ARHGEF3: variants seen among roughly 807,000 people sequenced by gnomAD.
ARHGEF3 encodes 59.8 kDA protein.
Under a neutral mutation model 63.2 loss-of-function variants are expected in ARHGEF3, and 28 were observed. The ratio of observed to expected loss-of-function variants is 0.44; its 90% CI spans 0.33 to 0.61. The LOEUF (loss-of-function observed/expected upper bound fraction) is 0.61, where lower values mean the gene tolerates loss of function less well. Ranked by LOEUF, ARHGEF3 falls within the 20% of genes least tolerant of loss-of-function variation. The pLI is 0.03. For missense variants in ARHGEF3, 533 were observed against 659.3 expected (o/e 0.81, Z 2.10); for synonymous variants, 266 against 254.2 (o/e 1.05, Z -0.44).
chr3:56,897,511 T>C (rs1270320773), intron 3 of ARHGEF3, among the ~76,000 whole-genome samples: 11 of 152,080 alleles, frequency 7.2e-5, no homozygotes, highest in African/African-American at 2.2e-4. Context: ...CATGTATATA[T>C]GTATAACCAT....
chr3:56,882,164 C>G (rs1375586986), intron 4 of ARHGEF3: 6 of 881,046 alleles, frequency 6.8e-6, no homozygotes, highest in African/African-American at 3.4e-5. Context: ...AAAAATTTCC[C>G]CCAGGTCACA....
chr3:56,733,349 G>A (rs13071210), intron 8 of ARHGEF3, among the ~76,000 whole-genome samples: 2 of 48,960 alleles, frequency 4.1e-5, no homozygotes, highest in East Asian at 5.5e-4. Context: ...GGGGGGGGGC[G>A]CCTGTAATCC....
At chr3:56,950,954 A>C (rs1298768994) in intron 3 of ARHGEF3, among the ~76,000 whole-genome samples, 1 of 152,016 alleles carries the variant, frequency 6.6e-6, no homozygotes, top group Non-Finnish European at 1.5e-5. Flanking sequence ...CAGCCATAAA[A>C]AGTTATGAGT....
intron 4 of ARHGEF3, among the ~76,000 whole-genome samples, chr3:56,819,623 C>T (rs1179554808): frequency 6.6e-6 from 1 of 151,670 alleles, no homozygotes; most frequent in African/African-American, 2.4e-5. Flanking sequence ...GTGATCCTCC[C>T]ATCTCAGCCT....
chr3:56,980,519 G>A (rs79952639), intron 2 of ARHGEF3, among the ~76,000 whole-genome samples: 54 of 152,332 alleles, frequency 3.5e-4, no homozygotes, highest in East Asian at 2.7e-3. Context: ...TAGTACCTAC[G>A]TAGGTTAGTG....
intron 4 of ARHGEF3, among the ~76,000 whole-genome samples, chr3:56,851,929 A>C (rs192939050): frequency 6.6e-6 from 1 of 152,308 alleles, no homozygotes; most frequent in African/African-American, 2.4e-5. Context: ...TACTTTTAAC[A>C]AAGATTCAGT....
At chr3:56,809,836 G>A (rs1329573097) in intron 4 of ARHGEF3, among the ~76,000 whole-genome samples, 2 of 151,680 alleles carry the variant, frequency 1.3e-5, no homozygotes, top group East Asian at 3.9e-4. Context: ...AGGTTCAAGC[G>A]ATTCTCCTGC....
At chr3:56,970,697 G>A (rs1159167901) in intron 2 of ARHGEF3, among the ~76,000 whole-genome samples, 1 of 152,182 alleles carries the variant, frequency 6.6e-6, no homozygotes, top group African/African-American at 2.4e-5. Context: ...AGCTTCCTGC[G>A]AAGCTTGTAT....
At chr3:57,061,750 GTC>G (rs1478852520) in intron 1 of ARHGEF3, among the ~76,000 whole-genome samples, 1 of 152,142 alleles carries the variant, frequency 6.6e-6, no homozygotes, top group African/African-American at 2.4e-5. Context: ...TCAGTGAGCA[GTC>G]TCTCATCCTG....
At chr3:56,893,052 C>T (rs1456042230) in intron 3 of ARHGEF3, among the ~76,000 whole-genome samples, 2 of 152,222 alleles carry the variant, frequency 1.3e-5, no homozygotes, top group Non-Finnish European at 2.9e-5. Context: ...ACAAAAGGTT[C>T]CCTTGTACAA....
chr3:56,961,577 A>C (rs1700281731), intron 2 of ARHGEF3, among the ~76,000 whole-genome samples: 1 of 152,192 alleles, frequency 6.6e-6, no homozygotes, highest in South Asian at 2.1e-4. Context: ...AAAAAGCATC[A>C]GAGCAAATCT....
chr3:56,832,264 T>G (rs1209120964), intron 4 of ARHGEF3, among the ~76,000 whole-genome samples: 1 of 152,240 alleles, frequency 6.6e-6, no homozygotes, highest in Non-Finnish European at 1.5e-5. Context: ...ATATAATAAA[T>G]ACTGATATTC....
At chr3:56,997,245 TC>T in intron 2 of ARHGEF3, among the ~76,000 whole-genome samples, 2 of 152,114 alleles carry the variant, frequency 1.3e-5, no homozygotes, top group South Asian at 4.1e-4. Context: ...ATGACCTCCC[TC>T]AGGATGGACC....
In ARHGEF3 at chr3:56,831,126, T is replaced by C. The variant is rs570494678; in HGVS notation, c.192+51166A>G. Among the ~76,000 whole-genome samples the C allele has an allele frequency of 2.4e-4, 37 of 152,330 alleles. No homozygotes were observed. The South Asian group carries it at 7.2e-3, about 30-fold the overall frequency. On this transcript the variant is annotated intron_variant, in intron 4 of 12. Transcript: ENST00000338458. ...CCAGCCCAGAATGGAGTCCAATAAA[T>C]ATTTACTGATGAAGTAACTGGGTTA... is the stretch of plus-strand genomic sequence containing the variant.
chr3:57,001,916 T>TTC, intron 2 of ARHGEF3, among the ~76,000 whole-genome samples: 1 of 25,476 alleles, frequency 3.9e-5, no homozygotes, highest in African/African-American at 1.0e-4. Flanking sequence ...AGTGAGATAG[T>TTC]TTTTTTTTTT....
chr3:56,926,209 G>A (rs947932939), intron 3 of ARHGEF3, among the ~76,000 whole-genome samples: 1 of 152,192 alleles, frequency 6.6e-6, no homozygotes, highest in Non-Finnish European at 1.5e-5. Context: ...GAGGAGAGGG[G>A]GGTCAGCGCA....
At chr3:56,892,661 C>G in intron 3 of ARHGEF3, among the ~76,000 whole-genome samples, 1 of 152,200 alleles carries the variant, frequency 6.6e-6, no homozygotes, top group East Asian at 1.9e-4. Flanking sequence ...TGTAAACAAT[C>G]AGCTTAGATT....
At chr3:56,746,955 T>C (rs2034422903) in intron 6 of ARHGEF3, among the ~76,000 whole-genome samples, 1 of 152,170 alleles carries the variant, frequency 6.6e-6, no homozygotes, top group South Asian at 2.1e-4. Flanking sequence ...TCTACTTGTG[T>C]TAAAGAGTTG....
At chr3:56,732,172 G>A (rs1319233562) in intron 9 of ARHGEF3, 66 bp downstream of exon 9, 3 of 1,578,960 alleles carry the variant, frequency 1.9e-6, no homozygotes, top group South Asian at 2.3e-5. Flanking sequence ...TCCACCAGCT[G>A]CCCACTCCCT....
Sources: gnomAD v4.1 joint callset for allele counts (sites outside exome capture counted in the v4.1 genomes callset) on GRCh38, gnomAD v4.1.1 for gene constraint, MANE v1.5 for transcripts, NCBI Gene and HGNC (gene_info 2026-07-23, HGNC 2026-07-21) for gene names.